Variants in SEC14L1 observed in about 807,000 individuals in gnomAD.
SEC14L1 encodes the protein SEC14-like protein 1.
In SEC14L1, 48 loss-of-function variants were observed where a neutral mutation model predicts 85.3. The ratio of observed to expected loss-of-function variants is 0.56; its 90% CI spans 0.45 to 0.72. The LOEUF is 0.72. Ranked by LOEUF, SEC14L1 falls within the 30% of genes least tolerant of loss-of-function variation. SEC14L1 has a pLI of 0.00. For missense variants in SEC14L1, 682 were observed against 921.4 expected (o/e 0.74, Z 3.36); for synonymous variants, 391 against 355.5 (o/e 1.10, Z -1.12).
At chr17:77,190,334 A>G (rs1054266195) in intron 3 of SEC14L1, among the ~76,000 whole-genome samples, 5 of 152,024 alleles carry the variant, frequency 3.3e-5, no homozygotes, top group Non-Finnish European at 5.9e-5. Context: ...GTTTGAGTCT[A>G]TTTCTGGGTT....
chr17:77,121,354 A>G (rs1429415265), intron 3 of SEC14L1, among the ~76,000 whole-genome samples: 1 of 152,164 alleles, frequency 6.6e-6, no homozygotes, highest in East Asian at 1.9e-4. Flanking sequence ...TTGAGGCCAT[A>G]TCATGTGCAC....
chr17:77,137,911 G>GAGTC (rs1972842566), upstream of SEC14L1, among the ~76,000 whole-genome samples: 1 of 152,170 alleles, frequency 6.6e-6, no homozygotes, highest in South Asian at 2.1e-4. Context: ...GATTGCAATA[G>GAGTC]AGTCATTCAC....
chr17:77,216,123 A>C lies in SEC14L1; in HGVS notation c.*2100A>C, dbSNP rs1375168342. The C allele has an allele frequency of 1.1e-4, 110 of 980,036 alleles. 1 individual carries two copies. The highest frequency in any genetic ancestry group is 9.1e-4 in the South Asian group (21 of 23,196). 60.7% of individuals were successfully genotyped at this position (980,036 alleles called of 1,614,324 possible). On this transcript the variant is annotated 3_prime_UTR_variant, in exon 17 of 17. Transcript: ENST00000436233. The stretch of plus-strand genomic sequence containing the variant: ...GTAGGTAGGGTTCGTAGGTAGGGTT[A>C]GTAGGTAGGGCTAGTAGGTAGGGTT...
intron 8 of SEC14L1, among the ~76,000 whole-genome samples, chr17:77,196,962 C>T (rs969206600): frequency 1.3e-5 from 2 of 152,212 alleles, no homozygotes; most frequent in Non-Finnish European, 2.9e-5. Context: ...ATCCTTCCGG[C>T]AGCTCTCTCT....
intron 3 of SEC14L1, among the ~76,000 whole-genome samples, chr17:77,147,453 G>A (rs961641472): frequency 2.0e-5 from 3 of 152,012 alleles, no homozygotes; most frequent in African/African-American, 7.2e-5. Flanking sequence ...AGGTTTTTCA[G>A]TAGGCATTTG....
chr17:77,215,801 C>CGTAGGTAGGGCTG lies in SEC14L1; in HGVS notation c.*1789_*1801dup, dbSNP rs1567942850. ...GTAGGTAGGGTTCGTAGGTAGGGTT[C>CGTAGGTAGGGCTG]GTAGGTAGGGCTGGTAGGTAGGGTT... On this transcript the variant is annotated 3_prime_UTR_variant, in exon 17 of 17. Transcript: ENST00000436233. 1.1e-6 allele frequency: 1 copy of CGTAGGTAGGGCTG among 927,120 alleles called. No homozygotes were observed. Among genetic ancestry groups the CGTAGGTAGGGCTG allele is most frequent in the African/African-American group, 2.5e-5 (1 of 39,430 alleles). The allele number at this position is 927,120 out of a possible 1,614,324, so 57.4% of individuals were successfully genotyped here.
At chr17:77,089,300 A>G (rs1441604097) in intron 2 of SEC14L1, 1 of 471,738 alleles carries the variant, frequency 2.1e-6, no homozygotes. Context: ...CAAAGTGTTC[A>G]GGTCAGACGG....
At chr17:77,099,689 G>T (rs998660590) in intron 3 of SEC14L1, among the ~76,000 whole-genome samples, 6 of 152,150 alleles carry the variant, frequency 3.9e-5, no homozygotes, top group African/African-American at 1.4e-4. Flanking sequence ...GTGGGAGGTG[G>T]AGGTTGCAGT....
chr17:77,113,228 A>G (rs1426549170), intron 3 of SEC14L1, among the ~76,000 whole-genome samples: 1 of 152,210 alleles, frequency 6.6e-6, no homozygotes, highest in Non-Finnish European at 1.5e-5. Context: ...TGTGAAACGA[A>G]TTCTATCTTG....
In SEC14L1 at chr17:77,211,961, G is replaced by A; in HGVS notation, c.1623G>A (p.Gln541=). The A allele has an allele frequency of 6.2e-7, 1 of 1,614,066 alleles. No individual in the cohort carries two copies. Residue 541 remains glutamine, a synonymous_variant, in exon 15 of 17, where the codon CAG becomes CAA. Transcript: ENST00000436233. ...TGCCTCTTTTTCAGATTCTCATTCAGATTGTGGATGCCTCGTCAGTCATCA... is the reference window on the plus strand; with the variant it reads ...TGCCTCTTTTTCAGATTCTCATTCAAATTGTGGATGCCTCGTCAGTCATCA... ...FKGAPHEILI[Q]IVDASSVITW...
chr17:77,141,356 C>G (rs1973031226), intron 1 of SEC14L1: 1 of 142,330 alleles, frequency 7.0e-6, no homozygotes, highest in Admixed American at 6.9e-5. Flanking sequence ...CCACCCCCAC[C>G]TCGCCAGGCT....
At chr17:77,099,213 A>G (rs1438408864) in intron 3 of SEC14L1, 1 of 152,246 alleles carries the variant, frequency 6.6e-6, no homozygotes, top group African/African-American at 2.4e-5. Flanking sequence ...TTGAATTAAA[A>G]TAAGACTTCC....
At chr17:77,118,371 AC>A (rs1288416610) in intron 3 of SEC14L1, among the ~76,000 whole-genome samples, 1 of 152,118 alleles carries the variant, frequency 6.6e-6, no homozygotes, top group Admixed American at 6.6e-5. Context: ...GTTAATTACC[AC>A]CTTCGTTCAG....
rs558602307 is a variant in SEC14L1 at position 77,193,024 on chromosome 17, T to C, written c.346-397T>C. ...CTTTTTTCCATAGCACTTACTTATC[T>C]TTAATTTCCTTGCATACTGTGTTTC... On this transcript the variant is annotated intron_variant, in intron 5 of 16. Coordinates refer to ENST00000436233, the MANE Select transcript of SEC14L1 (RefSeq NM_001143998.2). Among the ~76,000 whole-genome samples, 6 of 152,344 alleles carry C rather than the reference T, an allele frequency of 3.9e-5. No homozygotes were observed. The East Asian group carries it at 1.2e-3, about 29-fold the overall frequency.
At chr17:77,202,163 C>T (rs367975412) in intron 9 of SEC14L1, among the ~76,000 whole-genome samples, 413 of 152,254 alleles carry the variant, frequency 2.7e-3, no homozygotes, top group African/African-American at 9.7e-3. Flanking sequence ...TCCTCTCAGG[C>T]GGCACCCATT....
intron 3 of SEC14L1, among the ~76,000 whole-genome samples, chr17:77,135,281 G>A (rs1439208532): frequency 6.6e-6 from 1 of 151,996 alleles, no homozygotes; most frequent in Non-Finnish European, 1.5e-5. Flanking sequence ...TCTGCTCTTG[G>A]TTTTCTTTGC....
chr17:77,124,903 C>A (rs1270833733), intron 3 of SEC14L1, among the ~76,000 whole-genome samples: 1 of 151,972 alleles, frequency 6.6e-6, no homozygotes, highest in Non-Finnish European at 1.5e-5. Context: ...AGAGAATAAG[C>A]TTTATCTTAT....
At chr17:77,200,714 G>T (rs1383534974) in intron 9 of SEC14L1, 41 bp downstream of exon 9, 1 of 1,576,272 alleles carries the variant, frequency 6.3e-7, no homozygotes, top group South Asian at 1.2e-5. Flanking sequence ...TCGTTGTCTT[G>T]ATGTGTGGTT....
At chr17:77,098,924 A>C (rs541846037) in intron 3 of SEC14L1, 57 of 152,344 alleles carry the variant, frequency 3.7e-4, no homozygotes, top group African/African-American at 1.4e-3. Flanking sequence ...AAGACCACAA[A>C]AACTACATTC....
Sources: allele counts gnomAD v4.1 joint callset (sites outside exome capture counted in the v4.1 genomes callset), GRCh38; gene constraint gnomAD v4.1.1; transcripts MANE v1.5; gene names NCBI Gene and HGNC (gene_info 2026-07-23, HGNC 2026-07-21).